Variants in SCRN1 observed in about 807,000 individuals in gnomAD.
SCRN1 encodes the protein secernin 1.
SCRN1 carries 19 observed loss-of-function variants against 43.3 expected under a neutral mutation model. That is an observed-to-expected ratio of 0.44 (90% CI 0.31 to 0.64). SCRN1 has a LOEUF of 0.64. Among genes scored for constraint, SCRN1 ranks in the 30% least tolerant of loss-of-function variants. The probability of loss-of-function intolerance (pLI) is 0.09; values close to 1 mark genes in which losing one functional copy is unlikely to be tolerated. For missense variants in SCRN1, 447 were observed against 524.1 expected (o/e 0.85, Z 1.44); for synonymous variants, 183 against 188.9 (o/e 0.97, Z 0.26).
chr7:29,930,787 G>C (rs1266555351), intron 6 of SCRN1, among the ~76,000 whole-genome samples: 1 of 152,230 alleles, frequency 6.6e-6, no homozygotes, highest in African/African-American at 2.4e-5. Context: ...AGGAATACAA[G>C]ACGATGGGCC....
At chr7:29,936,785 G>A (rs536283970) in intron 5 of SCRN1, 64 bp from the exon 6 acceptor site, 147 of 1,342,138 alleles carry the variant, frequency 1.1e-4, no homozygotes, top group Admixed American at 3.7e-4. Context: ...GGTGGCTCAC[G>A]CCTGTAATCC....
chr7:29,947,934 C>A (rs930305446), intron 3 of SCRN1, among the ~76,000 whole-genome samples: 2 of 152,198 alleles, frequency 1.3e-5, no homozygotes, highest in Admixed American at 6.5e-5. Flanking sequence ...TCCCCAGACA[C>A]TGGGTCTTCC....
chr7:29,930,920 G>A (rs994054807), intron 6 of SCRN1, among the ~76,000 whole-genome samples: 2 of 152,202 alleles, frequency 1.3e-5, no homozygotes, highest in African/African-American at 4.8e-5. Flanking sequence ...ATGAGACCAT[G>A]AGCAACACTA....
intron 4 of SCRN1, among the ~76,000 whole-genome samples, chr7:29,941,584 G>A (rs1014727424): frequency 7.2e-5 from 11 of 152,196 alleles, no homozygotes; most frequent in African/African-American, 2.7e-4. Flanking sequence ...GTGTGTGCAT[G>A]CGTGTGTGTA....
intron 1 of SCRN1, among the ~76,000 whole-genome samples, chr7:29,972,837 G>A (rs1245643354): frequency 6.6e-6 from 1 of 152,200 alleles, no homozygotes; most frequent in African/African-American, 2.4e-5. Context: ...GTGACCACTA[G>A]CCTCAGGCAG....
chr7:29,949,861 A>G (rs1442242575), intron 3 of SCRN1, among the ~76,000 whole-genome samples: 1 of 151,710 alleles, frequency 6.6e-6, no homozygotes, highest in Non-Finnish European at 1.5e-5. Flanking sequence ...TGTTTTGTAG[A>G]AACAGGCTTT....
intron 2 of SCRN1, among the ~76,000 whole-genome samples, chr7:29,964,664 C>T (rs1363705258): frequency 6.6e-5 from 10 of 151,956 alleles, no homozygotes; most frequent in Non-Finnish European, 1.3e-4. Flanking sequence ...TGTATCAGGC[C>T]GGGCTCGGTG....
intron 3 of SCRN1, among the ~76,000 whole-genome samples, chr7:29,954,381 T>C (rs1788059449): frequency 6.6e-6 from 1 of 152,092 alleles, no homozygotes; most frequent in Non-Finnish European, 1.5e-5. Context: ...CCATTTAAAC[T>C]GTACAGTTCA....
At chr7:29,939,986 C>CAA (rs779960489) in intron 5 of SCRN1, among the ~76,000 whole-genome samples, 1 of 113,084 alleles carries the variant, frequency 8.8e-6, no homozygotes, top group Non-Finnish European at 1.9e-5. Flanking sequence ...CCTGTCTCTA[C>CAA]AAAAAAAAAA....
At chr7:29,969,989 A>G in intron 1 of SCRN1, 2 of 403,244 alleles carry the variant, frequency 5.0e-6, no homozygotes, top group Admixed American at 2.6e-5. Flanking sequence ...GAAACCTCCC[A>G]CTCCTCTCCA....
At chr7:29,933,466 C>T (rs1739899939) in intron 6 of SCRN1, among the ~76,000 whole-genome samples, 1 of 152,160 alleles carries the variant, frequency 6.6e-6, no homozygotes, top group Admixed American at 6.5e-5. Flanking sequence ...CTACTCCTCC[C>T]CTCTCCAATT....
intron 1 of SCRN1, among the ~76,000 whole-genome samples, chr7:29,974,880 C>T (rs1272320155): frequency 2.6e-5 from 4 of 152,028 alleles, no homozygotes; most frequent in Admixed American, 2.6e-4. Context: ...GATGGGGTTT[C>T]ACCATGTTGG....
At chr7:29,980,144 T>C (rs1413482820) in intron 1 of SCRN1, among the ~76,000 whole-genome samples, 1 of 152,138 alleles carries the variant, frequency 6.6e-6, no homozygotes, top group African/African-American at 2.4e-5. Context: ...TGAGATAATA[T>C]ATGTAGAGTG....
rs1786788488 is a variant in SCRN1, at chr7:29,922,125, G to T, written c.*1832C>A. 1 of 152,102 alleles carries T rather than the reference G, an allele frequency of 6.6e-6. No homozygotes were observed. Among genetic ancestry groups the T allele is most frequent in the Admixed American group, 6.6e-5 (1 of 15,264 alleles). 9.4% of individuals were successfully genotyped at this position (152,102 alleles called of 1,614,324 possible). A position where few individuals can be genotyped will look rare whatever the true frequency, so the allele number is the denominator to read the frequency against. The stretch of plus-strand genomic sequence containing the variant: ...CACTCTAAATTCACCAACAGTGAAA[G>T]CCCAGGCCAAACCTGCGTGAAGCTC... On this transcript the variant is annotated 3_prime_UTR_variant, in exon 8 of 8. Transcript: ENST00000242059.
chr7:29,936,096 A>G (rs1328788866), intron 6 of SCRN1, among the ~76,000 whole-genome samples: 3 of 152,174 alleles, frequency 2.0e-5, no homozygotes, highest in Non-Finnish European at 4.4e-5. Context: ...AAGTTGCTTC[A>G]ATCTGTATTG....
chr7:29,949,701 G>T (rs1360144151), intron 3 of SCRN1, among the ~76,000 whole-genome samples: 1 of 148,820 alleles, frequency 6.7e-6, no homozygotes, highest in Non-Finnish European at 1.5e-5. Flanking sequence ...TTCAGACAGG[G>T]TCTCGATCTG....
intron 1 of SCRN1, among the ~76,000 whole-genome samples, chr7:29,977,734 T>C (rs1788875452): frequency 6.6e-6 from 1 of 152,244 alleles, no homozygotes; most frequent in Non-Finnish European, 1.5e-5. Context: ...AAGCAGGCTT[T>C]GAAGCCCACC....
At chr7:29,967,007 T>C (rs1788518826) in intron 2 of SCRN1, among the ~76,000 whole-genome samples, 2 of 152,120 alleles carry the variant, frequency 1.3e-5, no homozygotes, top group Admixed American at 1.3e-4. Flanking sequence ...AAAATACAAA[T>C]TGATGAATGC....
chr7:29,944,231 G>T, intron 3 of SCRN1, 52 bp from the exon 4 acceptor site: 2 of 1,551,406 alleles, frequency 1.3e-6, no homozygotes, highest in Non-Finnish European at 1.8e-6. Flanking sequence ...CCACAGGATT[G>T]TTACTAGAGT....
Sources: gnomAD v4.1 joint callset for allele counts (sites outside exome capture counted in the v4.1 genomes callset) on GRCh38, gnomAD v4.1.1 for gene constraint, MANE v1.5 for transcripts, NCBI Gene and HGNC (gene_info 2026-07-23, HGNC 2026-07-21) for gene names.